Variants in DNAAF5 observed in about 807,000 individuals in gnomAD.
DNAAF5 encodes the protein HEAT repeat containing 2.
In DNAAF5, 64 loss-of-function variants were observed where a neutral mutation model predicts 75.8. That is an observed-to-expected ratio of 0.84 (90% CI 0.69 to 1.04). The LOEUF (loss-of-function observed/expected upper bound fraction) is 1.04, where lower values mean the gene tolerates loss of function less well. Among genes scored for constraint, DNAAF5 ranks in the 50% least tolerant of loss-of-function variants. The pLI is 0.00. For missense variants in DNAAF5, 1,269 were observed against 1,178.5 expected (o/e 1.08, Z -1.12); for synonymous variants, 657 against 557.2 (o/e 1.18, Z -2.52).
rs190124467 is a variant in DNAAF5 at position 747,032 on chromosome 7, G to A, written c.1024+5567G>A. ...CCGTGGATGGACCATCTGGTCACCA[G>A]CAGGGGCATATTCGGGTCCTTTCTA... On this transcript the variant is annotated intron_variant, in intron 4 of 12. Transcript: ENST00000297440. Among the ~76,000 whole-genome samples the A allele has an allele frequency of 1.4e-3, 219 of 152,384 alleles. 1 individual carries two copies. The highest frequency in any genetic ancestry group is 4.2e-3 in the Admixed American group (64 of 15,304).
At chr7:762,092 C>T (rs1450733941) in intron 7 of DNAAF5, among the ~76,000 whole-genome samples, 196 bp downstream of exon 7, 1 of 152,208 alleles carries the variant, frequency 6.6e-6, no homozygotes, top group Non-Finnish European at 1.5e-5. Context: ...ATTCTGGCAT[C>T]AGGGAGTGGA....
At chr7:753,813 T>C (rs990987952) in intron 4 of DNAAF5, among the ~76,000 whole-genome samples, 1 of 141,718 alleles carries the variant, frequency 7.1e-6, no homozygotes, top group African/African-American at 2.9e-5. Context: ...CGCAGGCGTG[T>C]CTCTCTCATC....
intron 4 of DNAAF5, among the ~76,000 whole-genome samples, chr7:751,818 C>G (rs943970158): frequency 3.9e-5 from 6 of 152,134 alleles, no homozygotes; most frequent in African/African-American, 1.4e-4. Context: ...AGGTGACCCG[C>G]CTGCCTTGGC....
In DNAAF5 at chr7:752,976, C is replaced by T. The variant is rs1018732426; in HGVS notation, c.1025-1613C>T. 7.9e-5 allele frequency among the ~76,000 whole-genome samples: 12 copies of T among 152,364 alleles called. No individual in the cohort carries two copies. The East Asian group carries it at 2.3e-3, about 29-fold the overall frequency. ...GAAGAAGACGCTCGGCGTCGTTAGTCATCGGGGAATGCAAAGGAAAAGCAC... is the reference window on the plus strand; with the variant it reads ...GAAGAAGACGCTCGGCGTCGTTAGTTATCGGGGAATGCAAAGGAAAAGCAC... On this transcript the variant is annotated intron_variant, in intron 4 of 12. Transcript: ENST00000297440.
intron 4 of DNAAF5, among the ~76,000 whole-genome samples, chr7:742,393 T>C (rs1781937682): frequency 1.5e-5 from 1 of 68,810 alleles, no homozygotes; most frequent in East Asian, 3.3e-4. Flanking sequence ...ATCAATCAGA[T>C]GCCCAGCCCA....
chr7:767,724 G>C (rs983713864), intron 8 of DNAAF5, among the ~76,000 whole-genome samples: 3 of 151,832 alleles, frequency 2.0e-5, no homozygotes, highest in Non-Finnish European at 4.4e-5. Context: ...AAGTGTCCGT[G>C]CTGCGAGGCG....
Position 754,924 on chromosome 7 carries a change from C to G in DNAAF5, c.1257+103C>G, listed in dbSNP as rs567915765. ...CGAGGCTGTACTGTAGCCAAGACAG[C>G]GTTCCCCTCACCCCCGGGCCGCAGG... On this transcript the variant is annotated intron_variant, in intron 5 of 12. Coordinates refer to ENST00000297440, the MANE Select transcript of DNAAF5 (RefSeq NM_017802.4). This position sits in a 1 kb window ranked among gnomAD's most constrained non-coding sequence, Gnocchi z 4.8. The G allele has an allele frequency of 1.1e-6, 1 of 887,298 alleles. No homozygotes were observed. The highest frequency in any genetic ancestry group is 1.7e-5 in the African/African-American group (1 of 59,622). 55.0% of individuals were successfully genotyped at this position (887,298 alleles called of 1,614,324 possible). A position where few individuals can be genotyped will look rare whatever the true frequency, so the allele number is the denominator to read the frequency against.
rs554167589 is a variant in DNAAF5 at position 770,020 on chromosome 7, C to G, written c.1784-451C>G. Among the ~76,000 whole-genome samples, 10 of 152,272 alleles carry G rather than the reference C, an allele frequency of 6.6e-5. No individual in the cohort carries two copies. In the South Asian group the frequency reaches 1.0e-3, roughly 16 times the overall value. ...AGGCTGGAGTGCAGTGGCACGATCTCGGCTCACTGCAACCTCCACCTCCCA... is the reference window on the plus strand; with the variant it reads ...AGGCTGGAGTGCAGTGGCACGATCTGGGCTCACTGCAACCTCCACCTCCCA... On this transcript the variant is annotated intron_variant, in intron 8 of 12. Transcript: ENST00000297440.
chr7:728,485 G>A (rs146315752), intron 1 of DNAAF5, among the ~76,000 whole-genome samples: 2 of 152,302 alleles, frequency 1.3e-5, no homozygotes, highest in East Asian at 1.9e-4. Context: ...TGGACTTGGG[G>A]AAATGCCGAG....
At chr7:773,665 GC>G (rs1331995065) in intron 9 of DNAAF5, among the ~76,000 whole-genome samples, 1 of 152,188 alleles carries the variant, frequency 6.6e-6, no homozygotes, top group Non-Finnish European at 1.5e-5. Flanking sequence ...TGGGAAAGGG[GC>G]TCACTGGGTG....
intron 4 of DNAAF5, among the ~76,000 whole-genome samples, chr7:743,054 C>T (rs1017404213): frequency 2.0e-5 from 3 of 152,174 alleles, no homozygotes; most frequent in East Asian, 3.8e-4. Context: ...AAATGTATTC[C>T]GTCAAATACA....
chr7:769,483 G>A (rs1162362545), intron 8 of DNAAF5, among the ~76,000 whole-genome samples: 1 of 152,196 alleles, frequency 6.6e-6, no homozygotes, highest in African/African-American at 2.4e-5. Flanking sequence ...GCGCCCACCG[G>A]AGAGCAGCCA....
chr7:736,218 G>A (rs1454626839), intron 2 of DNAAF5, among the ~76,000 whole-genome samples: 2 of 152,184 alleles, frequency 1.3e-5, no homozygotes, highest in South Asian at 2.1e-4. Flanking sequence ...TACCTATGAG[G>A]TCCATTAGAT....
chr7:775,511 G>A (rs960579350), intron 11 of DNAAF5, among the ~76,000 whole-genome samples: 1 of 150,504 alleles, frequency 6.6e-6, no homozygotes, highest in Non-Finnish European at 1.5e-5. Context: ...TAAAAGTAGG[G>A]GTGTGTGTGT....
chr7:749,138 G>GC (rs1782211711), intron 4 of DNAAF5, among the ~76,000 whole-genome samples: 1 of 152,096 alleles, frequency 6.6e-6, no homozygotes, highest in Non-Finnish European at 1.5e-5. Flanking sequence ...GGTTGGGAGG[G>GC]CACCACTTAC....
At chr7:767,019 C>G (rs1347646291) in intron 8 of DNAAF5, among the ~76,000 whole-genome samples, 1 of 151,778 alleles carries the variant, frequency 6.6e-6, no homozygotes, top group Admixed American at 6.6e-5. Context: ...GCAGGCAGAT[C>G]CCGATGTCAG....
At chr7:770,339 A>G in intron 8 of DNAAF5, 132 bp from the exon 9 acceptor site, 1 of 714,310 alleles carries the variant, frequency 1.4e-6, no homozygotes, top group Non-Finnish European at 2.3e-6. Flanking sequence ...TGATTGAGAA[A>G]GAGGAAGCGG....
At chr7:784,206 C>T (rs1267989042) in intron 12 of DNAAF5, among the ~76,000 whole-genome samples, 1 of 152,188 alleles carries the variant, frequency 6.6e-6, no homozygotes, top group Non-Finnish European at 1.5e-5. Context: ...GCGGGACGCC[C>T]GTGCTCAGTC....
chr7:730,597 G>A (rs1345226066), intron 2 of DNAAF5, among the ~76,000 whole-genome samples: 4 of 152,208 alleles, frequency 2.6e-5, no homozygotes, highest in African/African-American at 9.6e-5. Flanking sequence ...CTGGGGCCAG[G>A]ATGGAAGCCC....
Sources: allele counts gnomAD v4.1 joint callset (sites outside exome capture counted in the v4.1 genomes callset), GRCh38; gene constraint gnomAD v4.1.1; non-coding constraint Gnocchi (gnomAD v3.1); transcripts MANE v1.5; gene names NCBI Gene and HGNC (gene_info 2026-07-23, HGNC 2026-07-21).